The following TRNAU1AP variants were observed in gnomAD, a reference collection of about 807,000 sequenced individuals.
The protein encoded by TRNAU1AP is tRNA selenocysteine 1 associated protein 1.
A neutral mutation model predicts 43.3 loss-of-function variants in TRNAU1AP; 33 were observed. The observed-to-expected ratio is 0.76, with a 90% CI of 0.58 to 1.02. The LOEUF is 1.02. TRNAU1AP is among the 50% of genes least tolerant of loss of function. TRNAU1AP has a pLI of 0.00. For missense variants in TRNAU1AP, 290 were observed against 362.7 expected (o/e 0.80, Z 1.63); for synonymous variants, 143 against 129.1 (o/e 1.11, Z -0.73).
At chr1:28,569,188 T>G (rs1665606461) in intron 6 of TRNAU1AP, among the ~76,000 whole-genome samples, 1 of 152,174 alleles carries the variant, frequency 6.6e-6, no homozygotes, top group African/African-American at 2.4e-5. Flanking sequence ...AAGATCAGGC[T>G]TAGTGACTTC....
chr1:28,561,524 T>G, intron 4 of TRNAU1AP, 126 bp downstream of exon 4: 1 of 1,055,282 alleles, frequency 9.5e-7, no homozygotes, highest in Non-Finnish European at 1.4e-6. Context: ...TCTTCTCCCT[T>G]CCTTGCTGGT....
At chr1:28,566,773 AAAAG>A (rs989978081) in intron 5 of TRNAU1AP, among the ~76,000 whole-genome samples, 7 of 151,816 alleles carry the variant, frequency 4.6e-5, no homozygotes, top group African/African-American at 7.3e-5. Flanking sequence ...AAAAAAAAAA[AAAAG>A]AGAGAGAAAA....
At chr1:28,573,862 G>A (rs971623196) in intron 8 of TRNAU1AP, among the ~76,000 whole-genome samples, 3 of 151,894 alleles carry the variant, frequency 2.0e-5, no homozygotes, top group East Asian at 1.9e-4. Context: ...ACTTGAACCC[G>A]GGAGATGGAG....
chr1:28,563,132 G>A (rs986579077), intron 4 of TRNAU1AP, among the ~76,000 whole-genome samples: 3 of 151,604 alleles, frequency 2.0e-5, no homozygotes, highest in African/African-American at 4.8e-5. Flanking sequence ...TTGACCTTGT[G>A]ATCCACCTGC....
chr1:28,568,344 A>G (rs1270225267), intron 6 of TRNAU1AP, among the ~76,000 whole-genome samples: 1 of 152,056 alleles, frequency 6.6e-6, no homozygotes, highest in African/African-American at 2.4e-5. Flanking sequence ...GCTGGAGATC[A>G]TGTCTCACTG....
intron 1 of TRNAU1AP, chr1:28,553,427 A>G: frequency 3.2e-6 from 2 of 621,898 alleles, no homozygotes; most frequent in Non-Finnish European, 5.7e-6. Context: ...GGACCGGAGG[A>G]GTGGGGTTTC....
chr1:28,571,805 C>A, intron 7 of TRNAU1AP, 62 bp from the exon 8 acceptor site: 3 of 1,271,832 alleles, frequency 2.4e-6, no homozygotes, highest in Non-Finnish European at 2.2e-6. Context: ...AAATATAAGC[C>A]ACTGTGGTCC....
intron 2 of TRNAU1AP, among the ~76,000 whole-genome samples, chr1:28,558,787 A>G (rs1665337254): frequency 6.6e-6 from 1 of 151,620 alleles, no homozygotes; most frequent in South Asian, 2.1e-4. Flanking sequence ...GTATGGTCTC[A>G]GTCTCCTGAC....
chr1:28,559,662 GA>G (rs904261935), intron 2 of TRNAU1AP, among the ~76,000 whole-genome samples: 11 of 146,574 alleles, frequency 7.5e-5, no homozygotes, highest in Non-Finnish European at 1.4e-4. Flanking sequence ...CTCGGTCTCA[GA>G]AAAAAAAAAC....
rs760635096 is a variant in TRNAU1AP, at chr1:28,555,230, C to CAA, written c.125+1508_125+1509dup. 1.3e-3 allele frequency among the ~76,000 whole-genome samples: 160 copies of CAA among 122,412 alleles called. 1 individual carries two copies. Among genetic ancestry groups the CAA allele is most frequent in the African/African-American group, 3.9e-3 (136 of 35,208 alleles). The allele number at this position is 122,412 out of a possible 152,430, so 80.3% of individuals were successfully genotyped here. On this transcript the variant is annotated intron_variant, in intron 2 of 8. Transcript: ENST00000373830. Reference sequence around the variant, plus strand: ...GGGCAATAAGAGCGAAACTCCATCTCAAAAAAAAAAAAAAAATTATCTGTG... The same window carrying CAA: ...GGGCAATAAGAGCGAAACTCCATCTCAAAAAAAAAAAAAAAAAATTATCTGTG...
At chr1:28,575,557 G>A (rs1315104719) in intron 8 of TRNAU1AP, among the ~76,000 whole-genome samples, 3 of 149,834 alleles carry the variant, frequency 2.0e-5, no homozygotes, top group African/African-American at 7.4e-5. Flanking sequence ...CCGCCTCCCG[G>A]GTTCAAGTGA....
At chr1:28,561,592 C>T (rs1665405954) in intron 4 of TRNAU1AP, among the ~76,000 whole-genome samples, 194 bp downstream of exon 4, 1 of 152,198 alleles carries the variant, frequency 6.6e-6, no homozygotes, top group South Asian at 2.1e-4. Flanking sequence ...GGTCCCTGCC[C>T]CTGGCTTCCT....
At chr1:28,570,755 A>T (rs757748923) in intron 6 of TRNAU1AP, among the ~76,000 whole-genome samples, 2 of 152,106 alleles carry the variant, frequency 1.3e-5, no homozygotes, top group Non-Finnish European at 2.9e-5. Context: ...AGGAATAATG[A>T]TACACTTATT....
At position 28,559,032 on chromosome 1, in the gene TRNAU1AP, C is replaced by G. The variant is rs559544874; in HGVS notation, c.126-1601C>G. Among the ~76,000 whole-genome samples the G allele has an allele frequency of 2.0e-5, 3 of 152,154 alleles. No individual in the cohort carries two copies. In the South Asian group the frequency reaches 6.2e-4, roughly 32 times the overall value. ...GTGAATTATAATTCAATCCAGGAAC[C>G]TGCATTGCATTTGGTTCTTCTGAGT... On this transcript the variant is annotated intron_variant, in intron 2 of 8. Transcript: ENST00000373830.
At chr1:28,568,243 ATCT>A (rs1245599204) in intron 6 of TRNAU1AP, among the ~76,000 whole-genome samples, 3 of 152,144 alleles carry the variant, frequency 2.0e-5, no homozygotes, top group South Asian at 4.1e-4. Flanking sequence ...TAGGTAGAAA[ATCT>A]TCTTCCCTTA....
At chr1:28,576,205 G>T in intron 8 of TRNAU1AP, among the ~76,000 whole-genome samples, 1 of 148,722 alleles carries the variant, frequency 6.7e-6, no homozygotes, top group African/African-American at 2.5e-5. Context: ...CCAGACTTGA[G>T]ATCAGTGATG....
At chr1:28,567,186 T>C (rs1211376785) in intron 5 of TRNAU1AP, 108 bp from the exon 6 acceptor site, 1 of 1,245,126 alleles carries the variant, frequency 8.0e-7, no homozygotes, top group Non-Finnish European at 1.1e-6. Flanking sequence ...TCAGCCTCTT[T>C]TCCTTTCTAC....
intron 5 of TRNAU1AP, among the ~76,000 whole-genome samples, chr1:28,565,990 T>C (rs1315392516): frequency 6.6e-6 from 1 of 152,020 alleles, no homozygotes; most frequent in Non-Finnish European, 1.5e-5. Context: ...TTCATGGAAT[T>C]ATTAGACAGT....
intron 8 of TRNAU1AP, among the ~76,000 whole-genome samples, chr1:28,576,668 C>T (rs981601739): frequency 2.6e-5 from 4 of 151,962 alleles, no homozygotes; most frequent in Admixed American, 6.6e-5. Context: ...GGTGCCATCT[C>T]GGCTCACCGC....
Sources: gnomAD v4.1 joint callset for allele counts (sites outside exome capture counted in the v4.1 genomes callset) on GRCh38, gnomAD v4.1.1 for gene constraint, MANE v1.5 for transcripts, NCBI Gene and HGNC (gene_info 2026-07-23, HGNC 2026-07-21) for gene names.